The following PARVB variants were observed in gnomAD, a reference collection of about 807,000 sequenced individuals.
PARVB encodes parvin beta, also known as beta-parvin.
PARVB carries 46 observed loss-of-function variants against 47.0 expected under a neutral mutation model. The observed-to-expected ratio is 0.98, with a 90% CI of 0.77 to 1.25. PARVB has a LOEUF of 1.25. Among genes scored for constraint, PARVB ranks in the 50% most tolerant of loss-of-function variants. The pLI is 0.00. For synonymous variants in PARVB, 196 were observed against 196.3 expected (o/e 1.00, Z 0.01); for missense variants, 473 against 471.6 (o/e 1.00, Z -0.03).
At chr22:44,020,883 C>T (rs200764297), upstream of PARVB, among the ~76,000 whole-genome samples, 4 of 151,738 alleles carry the variant, frequency 2.6e-5, no homozygotes, top group Admixed American at 6.6e-5. Flanking sequence ...TGGGTTCAAG[C>T]GATTCTCCTG....
intron 8 of PARVB, chr22:44,147,548 G>A (rs925637976): frequency 1.3e-5 from 6 of 461,852 alleles, no homozygotes; most frequent in South Asian, 3.6e-5. Flanking sequence ...GTCCTAGGAC[G>A]TGGCAGGTGC....
upstream of PARVB, among the ~76,000 whole-genome samples, chr22:44,022,746 T>A (rs531822701): frequency 9.4e-4 from 125 of 132,776 alleles, no homozygotes; most frequent in South Asian, 2.9e-3. Flanking sequence ...TTTTATTTTT[T>A]ATTTTTTTTT....
intron 3 of PARVB, among the ~76,000 whole-genome samples, chr22:44,117,555 C>T (rs1372567884): frequency 2.0e-5 from 3 of 152,162 alleles, no homozygotes; most frequent in Non-Finnish European, 4.4e-5. Context: ...ATTGACAAGA[C>T]CAGAATGCCA....
At chr22:44,032,149 C>G (rs2050837567) in intron 1 of PARVB, among the ~76,000 whole-genome samples, 2 of 152,190 alleles carry the variant, frequency 1.3e-5, no homozygotes. Flanking sequence ...ACAATGCAAT[C>G]AATCCTAGAA....
At chr22:44,154,764 G>C (rs1164416226) in intron 10 of PARVB, among the ~76,000 whole-genome samples, 3 of 150,094 alleles carry the variant, frequency 2.0e-5, no homozygotes, top group African/African-American at 4.9e-5. Context: ...TCTGTGTGGT[G>C]TGTGTGTGGT....
At chr22:44,120,975 C>T (rs1052719126) in intron 4 of PARVB, among the ~76,000 whole-genome samples, 4 of 151,964 alleles carry the variant, frequency 2.6e-5, no homozygotes, top group Non-Finnish European at 4.4e-5. Flanking sequence ...TCCTGAGTAG[C>T]TGGGGTTACA....
intron 1 of PARVB, among the ~76,000 whole-genome samples, chr22:44,065,849 G>GTT (rs1202263595): frequency 7.2e-6 from 1 of 139,486 alleles, no homozygotes; most frequent in East Asian, 2.0e-4. Context: ...CATGGTGTGT[G>GTT]TGTGTGTGCA....
In PARVB at chr22:44,128,123, G is replaced by A. The variant is rs370721689; in HGVS notation, c.377-3364G>A. Among the ~76,000 whole-genome samples, 83 of 152,274 alleles carry A rather than the reference G, an allele frequency of 5.5e-4. No individual in the cohort carries two copies. The East Asian group carries it at 7.0e-3, about 13-fold the overall frequency. Reference sequence around the variant, plus strand: ...AGAGAAGATTCTGGAAGCAGCTGCCGGGTTCTCTGCCACATGCCAGGTTTC... The same window carrying A: ...AGAGAAGATTCTGGAAGCAGCTGCCAGGTTCTCTGCCACATGCCAGGTTTC... On this transcript the variant is annotated intron_variant, in intron 4 of 12. Transcript: ENST00000338758.
rs553495306 is a variant in PARVB, at chr22:44,024,910, G to A, written c.112+459G>A. On this transcript the variant is annotated intron_variant, in intron 1 of 12. Transcript: ENST00000338758. ...CCCTGCAGGGTGCGGGGCTCAGGGCGTGCAGGGCTGAGGCCTGGGAGGCCT... is the reference window on the plus strand; with the variant it reads ...CCCTGCAGGGTGCGGGGCTCAGGGCATGCAGGGCTGAGGCCTGGGAGGCCT... 3.3e-5 allele frequency among the ~76,000 whole-genome samples: 5 copies of A among 152,378 alleles called. No individual in the cohort carries two copies. The East Asian group carries it at 9.6e-4, about 29-fold the overall frequency.
At chr22:44,027,395 C>T (rs947262397) in intron 1 of PARVB, among the ~76,000 whole-genome samples, 1 of 152,152 alleles carries the variant, frequency 6.6e-6, no homozygotes, top group African/African-American at 2.4e-5. Context: ...TGGAAGAGGT[C>T]GGGTGGAGTG....
At chr22:44,012,390 A>G (rs1461107018) in intron 2 of PARVB, among the ~76,000 whole-genome samples, 1 of 152,216 alleles carries the variant, frequency 6.6e-6, no homozygotes, top group Non-Finnish European at 1.5e-5. Context: ...CACACGTGGC[A>G]TGGGCAGAAG....
chr22:44,115,689 C>G (rs2052871613), intron 3 of PARVB: 1 of 59,704 alleles, frequency 1.7e-5, no homozygotes, highest in Non-Finnish European at 2.9e-5. Context: ...AGGCCCTGCA[C>G]CAACACAGAT....
intron 4 of PARVB, among the ~76,000 whole-genome samples, chr22:44,120,445 C>T (rs1470987487): frequency 1.3e-5 from 2 of 152,172 alleles, no homozygotes; most frequent in African/African-American, 4.8e-5. Context: ...GAATATCCTC[C>T]CATCGGGATC....
chr22:44,014,390 G>T (rs1490674063), intron 2 of PARVB, among the ~76,000 whole-genome samples: 1 of 152,116 alleles, frequency 6.6e-6, no homozygotes, highest in Non-Finnish European at 1.5e-5. Context: ...CAAACCAAAT[G>T]GTTTTCTTTA....
chr22:44,164,825 T>C (rs191032856), intron 12 of PARVB, among the ~76,000 whole-genome samples: 1 of 152,218 alleles, frequency 6.6e-6, no homozygotes. Flanking sequence ...TTGTAGAGTC[T>C]CCAAAATAGC....
chr22:44,028,223 A>G (rs2050764812), intron 1 of PARVB, among the ~76,000 whole-genome samples: 2 of 152,096 alleles, frequency 1.3e-5, no homozygotes, highest in African/African-American at 4.8e-5. Flanking sequence ...TCACCTCTGG[A>G]GCAGCGTCAC....
intron 1 of PARVB, among the ~76,000 whole-genome samples, chr22:44,093,291 C>T (rs16991451): frequency 0.021 from 3,230 of 152,280 alleles, 50 homozygotes; most frequent in Middle Eastern, 0.062. Flanking sequence ...AATCACTGGG[C>T]GTTCCAGATC....
chr22:44,035,748 G>A (rs1353704226), intron 1 of PARVB, among the ~76,000 whole-genome samples: 2 of 151,706 alleles, frequency 1.3e-5, no homozygotes, highest in East Asian at 1.9e-4. Flanking sequence ...CAGGGTTTAC[G>A]GTATTGCACT....
At chr22:44,023,563 A>C (rs1293613090), upstream of PARVB, among the ~76,000 whole-genome samples, 1 of 141,742 alleles carries the variant, frequency 7.1e-6, no homozygotes, top group Non-Finnish European at 1.5e-5. Flanking sequence ...AAAATAAAAT[A>C]AAATAAAATA....
Sources: gnomAD v4.1 joint callset for allele counts (sites outside exome capture counted in the v4.1 genomes callset) on GRCh38, gnomAD v4.1.1 for gene constraint, MANE v1.5 for transcripts, NCBI Gene and HGNC (gene_info 2026-07-23, HGNC 2026-07-21) for gene names.